The following TEX36 variants were observed in gnomAD, a reference collection of about 807,000 sequenced individuals.
TEX36 encodes the protein testis-expressed protein 36.
A neutral mutation model predicts 13.6 loss-of-function variants in TEX36; 12 were observed. The observed-to-expected ratio is 0.88, with a 90% CI of 0.56 to 1.43. The LOEUF (loss-of-function observed/expected upper bound fraction) is 1.43. Ranked by LOEUF, TEX36 falls within the 40% of genes most tolerant of loss-of-function variation. The pLI is 0.00. For synonymous variants in TEX36, 93 were observed against 83.0 expected (o/e 1.12, Z -0.65); for missense variants, 224 against 228.3 (o/e 0.98, Z 0.12).
At chr10:125,614,546 C>T (rs982620053) in intron 3 of TEX36, among the ~76,000 whole-genome samples, 3 of 152,090 alleles carry the variant, frequency 2.0e-5, no homozygotes, top group Non-Finnish European at 4.4e-5. Flanking sequence ...GGAATCCTTT[C>T]CCCATTGCTT....
downstream of TEX36, among the ~76,000 whole-genome samples, chr10:125,620,003 T>C (rs551352309): frequency 1.3e-5 from 2 of 152,318 alleles, no homozygotes; most frequent in East Asian, 3.9e-4. Flanking sequence ...AGCTACATAA[T>C]GTTGCATCTT....
At chr10:125,626,467 TTGTC>T (rs768368845) in intron 3 of TEX36, among the ~76,000 whole-genome samples, 1 of 152,218 alleles carries the variant, frequency 6.6e-6, no homozygotes, top group Non-Finnish European at 1.5e-5. Flanking sequence ...TTTCCTTTCT[TTGTC>T]TGTGCATTCA....
At chr10:125,635,073 C>T (rs1458991799) in intron 3 of TEX36, among the ~76,000 whole-genome samples, 1 of 152,132 alleles carries the variant, frequency 6.6e-6, no homozygotes, top group East Asian at 1.9e-4. Context: ...ACCTAAAATT[C>T]CTTGGTTTTC....
At chr10:125,584,901 CA>C in intron 3 of TEX36, among the ~76,000 whole-genome samples, 1 of 152,326 alleles carries the variant, frequency 6.6e-6, no homozygotes, top group South Asian at 2.1e-4. Context: ...ACATTTTGAA[CA>C]TCTGCTGTTT....
downstream of TEX36, among the ~76,000 whole-genome samples, chr10:125,620,224 T>C (rs1285918770): frequency 6.6e-6 from 1 of 152,198 alleles, no homozygotes; most frequent in African/African-American, 2.4e-5. Context: ...ACAAGCACTG[T>C]CTGAAGTTAC....
At chr10:125,652,129 T>C (rs1293412553), downstream of TEX36, among the ~76,000 whole-genome samples, 1 of 152,120 alleles carries the variant, frequency 6.6e-6, no homozygotes, top group Non-Finnish European at 1.5e-5. Flanking sequence ...CTTCACAGAA[T>C]TGGAAAAAAA....
intron 3 of TEX36, among the ~76,000 whole-genome samples, chr10:125,646,477 A>G (rs1396883732): frequency 6.6e-5 from 10 of 152,222 alleles, no homozygotes; most frequent in Non-Finnish European, 1.3e-4. Context: ...AGAAAACAGG[A>G]AAGACTGGAA....
At chr10:125,583,990 G>T (rs1565166524) in intron 3 of TEX36, among the ~76,000 whole-genome samples, 1 of 152,192 alleles carries the variant, frequency 6.6e-6, no homozygotes, top group South Asian at 2.1e-4. Context: ...ACAGGTTGTG[G>T]AGGGAGTGAC....
chr10:125,637,928 C>A (rs559432119), intron 3 of TEX36, among the ~76,000 whole-genome samples: 1 of 151,904 alleles, frequency 6.6e-6, no homozygotes, highest in South Asian at 2.1e-4. Flanking sequence ...GTCCAGACCA[C>A]CCCCCTGCTG....
chr10:125,612,084 TTTTTC>T (rs1846296875), intron 3 of TEX36, among the ~76,000 whole-genome samples: 1 of 147,778 alleles, frequency 6.8e-6, no homozygotes, highest in African/African-American at 2.5e-5. Context: ...TTTCTTTTTC[TTTTTC>T]TTTTTTTTTT....
chr10:125,586,504 A>G (rs1452308097), intron 3 of TEX36, among the ~76,000 whole-genome samples: 4 of 152,076 alleles, frequency 2.6e-5, no homozygotes, highest in Non-Finnish European at 5.9e-5. Context: ...TAGTCTATCA[A>G]AAAGATTTGC....
chr10:125,673,691 C>CGA (rs1477585800), intron 1 of TEX36, among the ~76,000 whole-genome samples: 1 of 121,322 alleles, frequency 8.2e-6, no homozygotes, highest in Non-Finnish European at 1.6e-5. Flanking sequence ...GCCTGGGCGA[C>CGA]GAGAGAGAGA....
chr10:125,584,761 G>GTTTC, intron 3 of TEX36, among the ~76,000 whole-genome samples: 1 of 152,186 alleles, frequency 6.6e-6, no homozygotes, highest in South Asian at 2.1e-4. Flanking sequence ...AAGCCAAGGG[G>GTTTC]AGAGACCTCA....
chr10:125,635,208 G>A lies in TEX36; in HGVS notation c.265-13563C>T, dbSNP rs1039824497. On this transcript the variant is annotated intron_variant, in intron 3 of 3. Transcript: ENST00000526819. ...CCACCACATTGCTCCATGCATTTAG[G>A]AGAAGGGATCCAGAAAGGGATCCTG... 6.4e-4 allele frequency among the ~76,000 whole-genome samples: 97 copies of A among 152,174 alleles called. 5 individuals carry two copies. Among genetic ancestry groups the A allele is most frequent in the Non-Finnish European group, 4.4e-5 (3 of 68,030 alleles).
At chr10:125,581,751 A>G (rs1027298901) in intron 3 of TEX36, among the ~76,000 whole-genome samples, 1 of 152,166 alleles carries the variant, frequency 6.6e-6, no homozygotes, top group Admixed American at 6.5e-5. Context: ...CAACCCTGGG[A>G]TTTTGAGAGA....
chr10:125,627,532 T>G (rs1332525705), intron 3 of TEX36, among the ~76,000 whole-genome samples: 2 of 152,266 alleles, frequency 1.3e-5, no homozygotes, highest in Admixed American at 6.5e-5. Context: ...AAACGTCATT[T>G]TCTATTTAAG....
chr10:125,613,533 T>C (rs1042400369), intron 3 of TEX36, among the ~76,000 whole-genome samples: 191 of 149,012 alleles, frequency 1.3e-3, no homozygotes, highest in African/African-American at 4.5e-3. Context: ...ATGCGGTGTT[T>C]GGTTTTTTGT....
intron 3 of TEX36, among the ~76,000 whole-genome samples, chr10:125,598,928 C>T (rs3858290): frequency 0.016 from 2,433 of 152,236 alleles, 94 homozygotes; most frequent in East Asian, 0.14. Context: ...AACAAATCAG[C>T]TAAATGTGAA....
At chr10:125,592,715 AC>A (rs1265905812) in intron 3 of TEX36, among the ~76,000 whole-genome samples, 1 of 152,076 alleles carries the variant, frequency 6.6e-6, no homozygotes, top group African/African-American at 2.4e-5. Context: ...CCAACTTGTG[AC>A]CCATACTTCC....
Sources: allele counts gnomAD v4.1 joint callset (sites outside exome capture counted in the v4.1 genomes callset), GRCh38; gene constraint gnomAD v4.1.1; transcripts MANE v1.5; gene names NCBI Gene and HGNC (gene_info 2026-07-23, HGNC 2026-07-21).